Variants in PRKN observed in about 807,000 individuals in gnomAD.
The protein encoded by PRKN is E3 ubiquitin-protein ligase parkin.
PRKN carries 56 observed loss-of-function variants against 59.5 expected under a neutral mutation model. The observed-to-expected ratio is 0.94, with a 90% CI of 0.76 to 1.18. The LOEUF (loss-of-function observed/expected upper bound fraction) is 1.18, where lower values mean the gene tolerates loss of function less well. Ranked by LOEUF, PRKN falls within the 50% of genes most tolerant of loss-of-function variation. The pLI is 0.00. For synonymous variants in PRKN, 250 were observed against 222.1 expected, an observed-to-expected ratio of 1.13 and a Z score of -1.12; for missense variants, 657 against 596.4, an observed-to-expected ratio of 1.10 and a Z score of -1.06.
At chr6:162,217,276 T>C (rs1777720070) in intron 3 of PRKN, among the ~76,000 whole-genome samples, 1 of 152,104 alleles carries the variant, frequency 6.6e-6, no homozygotes, top group Non-Finnish European at 1.5e-5. Flanking sequence ...TGTGTGGGGG[T>C]AGGAAGAAGG....
intron 7 of PRKN, among the ~76,000 whole-genome samples, chr6:161,733,883 C>T (rs1222824412): frequency 6.8e-6 from 1 of 147,456 alleles, no homozygotes; most frequent in Non-Finnish European, 1.5e-5. Context: ...ACAAGTCTGT[C>T]TCCAAAAAAT....
intron 6 of PRKN, among the ~76,000 whole-genome samples, chr6:161,880,845 G>C (rs113761842): frequency 0.011 from 1,696 of 152,218 alleles, 29 homozygotes; most frequent in African/African-American, 0.039. Flanking sequence ...AGCGGCCCTT[G>C]TTCTGAAAAA....
At chr6:161,927,132 T>G (rs1162468607) in intron 6 of PRKN, among the ~76,000 whole-genome samples, 2 of 152,228 alleles carry the variant, frequency 1.3e-5, no homozygotes, top group Non-Finnish European at 2.9e-5. Flanking sequence ...GGGAGTTGTT[T>G]TCTAGTTTGC....
chr6:161,551,250 C>T lies in PRKN; in HGVS notation c.934-2247G>A, dbSNP rs1780006532. ...AGGCTTCATACATAACCCTTGCCCA[C>T]AGCACAGCCCCAAATGCCAAGGAAG... On this transcript the variant is annotated intron_variant, in intron 8 of 11. Transcript: ENST00000366898. The surrounding 1 kb of genome is among the most constrained non-coding windows in gnomAD (Gnocchi z 5.2). Among the ~76,000 whole-genome samples the T allele has an allele frequency of 6.6e-6, 1 of 152,172 alleles. No individual in the cohort carries two copies. The highest frequency in any genetic ancestry group is 2.4e-5 in the African/African-American group (1 of 41,442).
chr6:161,890,972 C>T (rs559058828), intron 6 of PRKN, among the ~76,000 whole-genome samples: 3 of 152,250 alleles, frequency 2.0e-5, no homozygotes, highest in South Asian at 4.1e-4. Context: ...TGTGATCTAT[C>T]GTCAGAGTTT....
intron 1 of PRKN, among the ~76,000 whole-genome samples, chr6:162,575,365 C>G (rs908536908): frequency 1.1e-4 from 17 of 152,212 alleles, no homozygotes; most frequent in African/African-American, 3.9e-4. Flanking sequence ...TCATTCTACA[C>G]AGGTGACCCC....
intron 3 of PRKN, among the ~76,000 whole-genome samples, chr6:162,225,804 A>G (rs1162399416): frequency 6.6e-6 from 1 of 151,880 alleles, no homozygotes; most frequent in African/African-American, 2.4e-5. Flanking sequence ...ATATAAAAGG[A>G]CAATGTGGAT....
chr6:161,756,085 C>G (rs975080875), intron 7 of PRKN, among the ~76,000 whole-genome samples: 1 of 152,096 alleles, frequency 6.6e-6, no homozygotes, highest in Non-Finnish European at 1.5e-5. Flanking sequence ...CAAAAAAAAG[C>G]TAGTAGCTTC....
chr6:161,721,717 G>A (rs1281642479), intron 7 of PRKN, among the ~76,000 whole-genome samples: 14 of 152,066 alleles, frequency 9.2e-5, no homozygotes, highest in Non-Finnish European at 5.9e-5. Flanking sequence ...GCCACCCACC[G>A]TGATCTGCTG....
intron 6 of PRKN, among the ~76,000 whole-genome samples, chr6:161,804,982 C>A (rs1027159444): frequency 2.0e-5 from 3 of 152,178 alleles, no homozygotes; most frequent in Non-Finnish European, 2.9e-5. Flanking sequence ...CCAAAGGTGA[C>A]AGAGTGGTTT....
intron 9 of PRKN, among the ~76,000 whole-genome samples, chr6:161,443,499 T>C (rs1013887600): frequency 3.9e-5 from 6 of 152,098 alleles, no homozygotes; most frequent in Admixed American, 3.9e-4. Flanking sequence ...ACTCACGCAA[T>C]GCCCGCTGGA....
At chr6:162,193,044 A>T (rs1052734959) in intron 4 of PRKN, among the ~76,000 whole-genome samples, 2 of 152,176 alleles carry the variant, frequency 1.3e-5, no homozygotes, top group African/African-American at 2.4e-5. Context: ...AAACAAACAA[A>T]AAACAGTTAT....
chr6:162,103,525 G>A (rs995924457), intron 4 of PRKN, among the ~76,000 whole-genome samples: 1 of 151,724 alleles, frequency 6.6e-6, no homozygotes, highest in South Asian at 2.1e-4. Flanking sequence ...AGTAAACCAG[G>A]AATGGAACAG....
chr6:161,857,009 C>T (rs1188494675), intron 6 of PRKN, among the ~76,000 whole-genome samples: 1 of 74,702 alleles, frequency 1.3e-5, no homozygotes, highest in Non-Finnish European at 2.9e-5. Context: ...GCAGGTGGAT[C>T]ACCTGAGGTC....
intron 6 of PRKN, among the ~76,000 whole-genome samples, chr6:161,884,499 C>A (rs1251884676): frequency 6.6e-6 from 1 of 152,202 alleles, no homozygotes; most frequent in Non-Finnish European, 1.5e-5. Context: ...GTGCTTCAGG[C>A]CTTCACCTCA....
chr6:162,494,473 G>A (rs1284453294), intron 1 of PRKN, among the ~76,000 whole-genome samples: 1 of 152,136 alleles, frequency 6.6e-6, no homozygotes, highest in Non-Finnish European at 1.5e-5. Flanking sequence ...CTCTTCTCCA[G>A]AGCCTGCCAT....
At chr6:162,161,320 G>A (rs1260008882) in intron 4 of PRKN, among the ~76,000 whole-genome samples, 1 of 152,150 alleles carries the variant, frequency 6.6e-6, no homozygotes, top group Non-Finnish European at 1.5e-5. Context: ...CCCTAGGAAG[G>A]CCATGTATGT....
rs558484026 is a variant in PRKN at position 162,043,512 on chromosome 6, T to C, written c.618+10579A>G. Among the ~76,000 whole-genome samples the C allele has an allele frequency of 5.9e-5, 9 of 152,170 alleles. No homozygotes were observed. The East Asian group carries it at 1.7e-3, about 29-fold the overall frequency. ...CAGTCTTGCTTCACAAATGGACAAA[T>C]GGAGATGAACAGAGGCCAATGGCCA... On this transcript the variant is annotated intron_variant, in intron 5 of 11. Transcript: ENST00000366898.
rs547936230 is a variant in PRKN at position 161,991,567 on chromosome 6, C to T, written c.619-18150G>A. Among the ~76,000 whole-genome samples the T allele has an allele frequency of 1.3e-4, 20 of 152,214 alleles. No individual in the cohort carries two copies. The South Asian group carries it at 3.5e-3, about 27-fold the overall frequency. On this transcript the variant is annotated intron_variant, in intron 5 of 11. Coordinates refer to ENST00000366898, the MANE Select transcript of PRKN (RefSeq NM_004562.3). Reference sequence around the variant, plus strand: ...TTAAAAAATGGCCCAACTGGCCAGGCGTGGTGGCTCATGCCTGTAATCTCA... The same window carrying T: ...TTAAAAAATGGCCCAACTGGCCAGGTGTGGTGGCTCATGCCTGTAATCTCA...
Sources: gnomAD v4.1 joint callset for allele counts (sites outside exome capture counted in the v4.1 genomes callset) on GRCh38, gnomAD v4.1.1 for gene constraint, Gnocchi (gnomAD v3.1) non-coding constraint, MANE v1.5 for transcripts, NCBI Gene and HGNC (gene_info 2026-07-23, HGNC 2026-07-21) for gene names.